The following SYT1 variants were observed in gnomAD, a reference collection of about 807,000 sequenced individuals.
SYT1 encodes synaptotagmin-1.
In SYT1, 8 loss-of-function variants were observed where a neutral mutation model predicts 44.8. The ratio of observed to expected loss-of-function variants is 0.18; its 90% CI spans 0.10 to 0.32. SYT1 has a LOEUF of 0.32. SYT1 is among the 10% of genes least tolerant of loss of function. The pLI is 1.00. For missense variants in SYT1, 286 were observed against 509.3 expected (o/e 0.56, Z 4.22); for synonymous variants, 154 against 188.8 (o/e 0.82, Z 1.51).
chr12:78,924,734 G>A (rs1009639700), intron 1 of SYT1, among the ~76,000 whole-genome samples: 5 of 150,560 alleles, frequency 3.3e-5, no homozygotes, highest in Non-Finnish European at 7.4e-5. Flanking sequence ...CTTCAAGCTA[G>A]CTTCTACGTC....
At chr12:79,249,873 A>G (rs1056569779) in intron 4 of SYT1, among the ~76,000 whole-genome samples, 33 of 152,148 alleles carry the variant, frequency 2.2e-4, no homozygotes, top group Admixed American at 5.9e-4. Context: ...TTGAACCCCA[A>G]CATCAGAAGT....
intron 8 of SYT1, among the ~76,000 whole-genome samples, chr12:79,307,285 A>G (rs193044376): frequency 6.6e-6 from 1 of 152,230 alleles, no homozygotes; most frequent in Non-Finnish European, 1.5e-5. Context: ...GAGAGGAAGC[A>G]TACACAGACA....
intron 9 of SYT1, among the ~76,000 whole-genome samples, chr12:79,432,965 A>C (rs2136182361): frequency 6.6e-6 from 1 of 152,288 alleles, no homozygotes; most frequent in South Asian, 2.1e-4. Flanking sequence ...CAGCTAAGAA[A>C]ACTTAGAAGC....
At chr12:79,261,332 T>G (rs958054098) in intron 4 of SYT1, among the ~76,000 whole-genome samples, 1 of 152,204 alleles carries the variant, frequency 6.6e-6, no homozygotes, top group African/African-American at 2.4e-5. Context: ...TCTACCTTCC[T>G]TCCTCCAATA....
At chr12:79,290,937 T>C (rs1486402321) in intron 5 of SYT1, among the ~76,000 whole-genome samples, 7 of 152,222 alleles carry the variant, frequency 4.6e-5, no homozygotes, top group African/African-American at 1.7e-4. Context: ...TTTTGTATTT[T>C]TTTAATTTTG....
chr12:79,333,714 CT>C (rs1881962708), intron 8 of SYT1, among the ~76,000 whole-genome samples: 1 of 152,076 alleles, frequency 6.6e-6, no homozygotes, highest in Non-Finnish European at 1.5e-5. Context: ...ATATTGGCAT[CT>C]TTCATTTATA....
chr12:79,362,819 G>A (rs903294546), intron 9 of SYT1, among the ~76,000 whole-genome samples: 2 of 152,098 alleles, frequency 1.3e-5, no homozygotes, highest in Non-Finnish European at 2.9e-5. Flanking sequence ...GATCTCAAAG[G>A]CACCTTTCTA....
At chr12:79,354,286 T>G (rs951358539) in intron 9 of SYT1, among the ~76,000 whole-genome samples, 1 of 152,226 alleles carries the variant, frequency 6.6e-6, no homozygotes, top group African/African-American at 2.4e-5. Flanking sequence ...TTTTTCTTCT[T>G]CTGCATATGA....
chr12:79,074,713 T>C (rs1227961738), intron 3 of SYT1, among the ~76,000 whole-genome samples: 2 of 152,130 alleles, frequency 1.3e-5, no homozygotes, highest in African/African-American at 4.8e-5. Context: ...TCATGCTTCT[T>C]GACACAGGCC....
intron 1 of SYT1, among the ~76,000 whole-genome samples, chr12:78,948,722 C>T (rs1316599271): frequency 6.6e-6 from 1 of 151,790 alleles, no homozygotes; most frequent in African/African-American, 2.4e-5. Context: ...TTATCACAGA[C>T]ATATGAAAAT....
chr12:79,376,307 C>T (rs572266553), intron 9 of SYT1, among the ~76,000 whole-genome samples: 1 of 152,248 alleles, frequency 6.6e-6, no homozygotes, highest in Admixed American at 6.5e-5. Flanking sequence ...CTGCTGGTTG[C>T]CCATTTTTAT....
chr12:78,887,053 C>T (rs931496765), intron 1 of SYT1, among the ~76,000 whole-genome samples: 7 of 152,012 alleles, frequency 4.6e-5, no homozygotes, highest in South Asian at 4.1e-4. Context: ...TCCTTACCCA[C>T]GATTTCACTT....
chr12:78,920,523 T>A (rs1335778636), intron 1 of SYT1, among the ~76,000 whole-genome samples: 1 of 151,742 alleles, frequency 6.6e-6, no homozygotes, highest in African/African-American at 2.4e-5. Flanking sequence ...ATGTTTTAAT[T>A]TCTTCTTTTA....
At chr12:79,302,399 T>A (rs1040333251) in intron 8 of SYT1, among the ~76,000 whole-genome samples, 2 of 152,304 alleles carry the variant, frequency 1.3e-5, no homozygotes, top group East Asian at 3.9e-4. Context: ...TAAGGTTTTA[T>A]TGCCAGAAAG....
chr12:79,195,043 C>T (rs1274487687), intron 3 of SYT1, among the ~76,000 whole-genome samples: 2 of 152,064 alleles, frequency 1.3e-5, no homozygotes, highest in African/African-American at 4.8e-5. Context: ...GCGAGAAAAT[C>T]CCTATTGTTA....
chr12:79,034,870 C>A (rs961657213), intron 2 of SYT1, among the ~76,000 whole-genome samples: 2 of 151,572 alleles, frequency 1.3e-5, no homozygotes, highest in Non-Finnish European at 3.0e-5. Flanking sequence ...AAGTTGGTGT[C>A]TTAAAGACAG....
intron 4 of SYT1, among the ~76,000 whole-genome samples, chr12:79,236,239 C>T (rs1177425275): frequency 3.9e-5 from 6 of 152,138 alleles, no homozygotes; most frequent in African/African-American, 1.4e-4. Context: ...TGTTCAGAAA[C>T]CTTTAGTACT....
At chr12:79,140,605 A>G (rs1869498879) in intron 3 of SYT1, among the ~76,000 whole-genome samples, 2 of 152,216 alleles carry the variant, frequency 1.3e-5, no homozygotes, top group African/African-American at 2.4e-5. Context: ...TACAGATTGC[A>G]TACATCAGAA....
At chr12:79,120,964 C>T (rs1565815277) in intron 3 of SYT1, among the ~76,000 whole-genome samples, 2 of 148,052 alleles carry the variant, frequency 1.4e-5, no homozygotes, top group Admixed American at 6.7e-5. Context: ...GATATATATA[C>T]ACACACACAT....
Sources: allele counts gnomAD v4.1 joint callset (sites outside exome capture counted in the v4.1 genomes callset), GRCh38; gene constraint gnomAD v4.1.1; transcripts MANE v1.5; gene names NCBI Gene and HGNC (gene_info 2026-07-23, HGNC 2026-07-21).